USP19: variants seen among roughly 807,000 people sequenced by gnomAD.
USP19 encodes the protein ubiquitin specific peptidase 19.
A neutral mutation model predicts 144.8 loss-of-function variants in USP19; 40 were observed. The ratio of observed to expected loss-of-function variants is 0.28; its 90% CI spans 0.21 to 0.36. The LOEUF is 0.36. Ranked by LOEUF, USP19 falls within the 10% of genes least tolerant of loss-of-function variation. The pLI, the probability that USP19 is intolerant of heterozygous loss-of-function variation, is 1.00. For synonymous variants in USP19, 701 were observed against 709.3 expected, an observed-to-expected ratio of 0.99 and a Z score of 0.19; for missense variants, 1,518 against 1,822.5, an observed-to-expected ratio of 0.83 and a Z score of 3.04.
chr3:49,120,652 G>A (rs1485645957), intron 1 of USP19, 104 bp downstream of exon 1: 1 of 164,318 alleles, frequency 6.1e-6, no homozygotes, highest in Non-Finnish European at 1.3e-5. Context: ...GGGCACTAGG[G>A]GTAGGGACTG....
intron 26 of USP19, among the ~76,000 whole-genome samples, chr3:49,109,502 G>A (rs558592502): frequency 1.3e-5 from 2 of 152,298 alleles, no homozygotes; most frequent in East Asian, 3.9e-4. Context: ...GATTCATAGA[G>A]AACAGGACTG....
At chr3:49,109,190 G>A (rs761183940) in intron 26 of USP19, 48 of 1,468,294 alleles carry the variant, frequency 3.3e-5, no homozygotes, top group Non-Finnish European at 3.9e-5. Flanking sequence ...GGAAGCCTAG[G>A]GTATGTGGAA....
chr3:49,112,482 C>T lies in USP19; in HGVS notation c.2646+7G>A. On this transcript the variant is annotated splice_region_variant and intron_variant, in intron 18 of 26. Coordinates refer to ENST00000417901, the MANE Select transcript of USP19 (RefSeq NM_001199161.2). The surrounding 1 kb of genome is among the most constrained non-coding windows in gnomAD (Gnocchi z 4.9). ...GGCGCTGTGCCATCAGGTTGGCCCCCACTCACCTGTTGCACCTCTAGCACC... is the reference window on the plus strand; with the variant it reads ...GGCGCTGTGCCATCAGGTTGGCCCCTACTCACCTGTTGCACCTCTAGCACC... 1 of 1,613,566 alleles carries T rather than the reference C, an allele frequency of 6.2e-7. No individual in the cohort carries two copies. The highest frequency in any genetic ancestry group is 1.3e-5 in the African/African-American group (1 of 75,016).
At position 49,119,295 on chromosome 3, in the gene USP19, G is replaced by A; in HGVS notation, c.-136-14C>T. On this transcript the variant is annotated splice_polypyrimidine_tract_variant and intron_variant, in intron 1 of 26. Transcript: ENST00000417901. ...GGAACGGACAGCCTAATGGAAAGAA[G>A]CCAGTGATCACTGCCAAGACCCAAC... is the stretch of plus-strand genomic sequence containing the variant. The A allele has an allele frequency of 9.0e-7, 1 of 1,112,700 alleles. No individual in the cohort carries two copies. The highest frequency in any genetic ancestry group is 1.2e-6 in the Non-Finnish European group (1 of 804,142). The allele number at this position is 1,112,700 out of a possible 1,614,324, so 68.9% of individuals were successfully genotyped here.
rs2107332215 is a variant in USP19, at chr3:49,112,421, C to T, written c.2647-19G>A. 6.2e-7 allele frequency: 1 copy of T among 1,613,952 alleles called. No individual in the cohort carries two copies. Among genetic ancestry groups the T allele is most frequent in the Middle Eastern group, 1.6e-4 (1 of 6,062 alleles). ...GGGGGCGCTAGGGTGGGTCGTCTGG[C>T]TCAGCAAGACCAGGAAGAAGTGCCC... On this transcript the variant is annotated intron_variant, in intron 18 of 26. Coordinates refer to ENST00000417901, the MANE Select transcript of USP19 (RefSeq NM_001199161.2). This position sits in a 1 kb window ranked among gnomAD's most constrained non-coding sequence, Gnocchi z 4.9.
chr3:49,110,634 G>A lies in USP19; in HGVS notation c.3699-30C>T, dbSNP rs2043002139. Reference sequence around the variant, plus strand: ...AGGTCAGGTCCAGTCAGGGAGGGGTGAGACAGGCAACAGGCGCTCAGGATG... The same window carrying A: ...AGGTCAGGTCCAGTCAGGGAGGGGTAAGACAGGCAACAGGCGCTCAGGATG... On this transcript the variant is annotated intron_variant, in intron 24 of 26. Transcript: ENST00000417901. This position sits in a 1 kb window ranked among gnomAD's most constrained non-coding sequence, Gnocchi z 6.1. 6.2e-7 allele frequency: 1 copy of A among 1,612,580 alleles called. No individual in the cohort carries two copies.
At position 49,108,898 on chromosome 3, in the gene USP19, G is replaced by A; in HGVS notation, c.4039-370C>T. On this transcript the variant is annotated intron_variant, in intron 26 of 26. Coordinates refer to ENST00000417901, the MANE Select transcript of USP19 (RefSeq NM_001199161.2). This position sits in a 1 kb window ranked among gnomAD's most constrained non-coding sequence, Gnocchi z 4.8. ...GCCCAGAGGTGTTCCCCACAACAAA[G>A]GCAGGCATGGCCTGGGGCAGGCAGG... 6.5e-7 allele frequency: 1 copy of A among 1,542,760 alleles called. No individual in the cohort carries two copies. The highest frequency in any genetic ancestry group is 8.7e-7 in the Non-Finnish European group (1 of 1,144,468).
In USP19 at chr3:49,114,938, C is replaced by T. The variant is rs768682217; in HGVS notation, c.2181+21G>A. ...CTGGGATGCTCATGAGACATGCCCACCCTCTGTCCCTAACCCTGACCTCAT... is the reference window on the plus strand; with the variant it reads ...CTGGGATGCTCATGAGACATGCCCATCCTCTGTCCCTAACCCTGACCTCAT... On this transcript the variant is annotated intron_variant, in intron 14 of 26. Transcript: ENST00000417901. This position sits in a 1 kb window ranked among gnomAD's most constrained non-coding sequence, Gnocchi z 4.5. The T allele has an allele frequency of 3.7e-6, 6 of 1,614,170 alleles. No individual in the cohort carries two copies. Among genetic ancestry groups the T allele is most frequent in the Non-Finnish European group, 8.5e-7 (1 of 1,180,034 alleles).
chr3:49,115,875 C>A lies in USP19; in HGVS notation c.1541G>T (p.Gly514Val). 6 of 1,598,924 alleles carry A rather than the reference C, an allele frequency of 3.8e-6. No individual in the cohort carries two copies. Among genetic ancestry groups the A allele is most frequent in the Non-Finnish European group, 5.1e-6 (6 of 1,173,512 alleles). Residue 514 changes from glycine to valine, a missense_variant, in exon 11 of 27, where the codon GGT (glycine) becomes GTT (valine). Gly to Val is a moderately radical substitution (Grantham distance 109). Coordinates refer to ENST00000417901, the MANE Select transcript of USP19 (RefSeq NM_001199161.2). The surrounding 1 kb of genome is among the most constrained non-coding windows in gnomAD (Gnocchi z 6.6). ...PTPLDSTPPG[G>V]APHPLTGQEE... The stretch of plus-strand genomic sequence containing the variant: ...CTGGCCTGTCAGGGGGTGGGGAGCA[C>A]CTCCTGGTGGGGTTGAATCCAGAGG...
chr3:49,115,789 C>G lies in USP19; in HGVS notation c.1627G>C (p.Asp543His). 1.4e-5 allele frequency: 23 copies of G among 1,614,154 alleles called. No individual in the cohort carries two copies. The highest frequency in any genetic ancestry group is 1.9e-5 in the Non-Finnish European group (22 of 1,179,980). ...SKARSEDTGL[D>H]SVATRTPMEH... ...ATGGGTGTGCGGGTTGCCACACTGT[C>G]TAGCCCTGTGTCCTCAGATCGTGCC... The change falls in exon 11 of 27, where the codon GAC (aspartate) becomes CAC (histidine). Residue 543 changes from aspartate (D) to histidine (H), a missense_variant. By Grantham distance (81) the Asp-to-His change is moderately conservative. Coordinates refer to ENST00000417901, the MANE Select transcript of USP19 (RefSeq NM_001199161.2). This position sits in a 1 kb window ranked among gnomAD's most constrained non-coding sequence, Gnocchi z 6.6.
chr3:49,116,216 T>C lies in USP19; in HGVS notation c.1356-54A>G, dbSNP rs777193761. 21 of 1,613,706 alleles carry C rather than the reference T, an allele frequency of 1.3e-5. No individual in the cohort carries two copies. The highest frequency in any genetic ancestry group is 1.8e-5 in the Non-Finnish European group (21 of 1,179,842). On this transcript the variant is annotated intron_variant, in intron 9 of 26. Transcript: ENST00000417901. This position sits in a 1 kb window ranked among gnomAD's most constrained non-coding sequence, Gnocchi z 5.0. Reference sequence around the variant, plus strand: ...TAGGAGGAATGAGCATCAGGATAGATGAGCCAGGGAGATGGAGCCCACGGG... The same window carrying C: ...TAGGAGGAATGAGCATCAGGATAGACGAGCCAGGGAGATGGAGCCCACGGG...
rs1380980129 is a variant in USP19, at chr3:49,110,257, T to G, written c.3965A>C (p.Glu1322Ala). The change falls in exon 26 of 27, where the codon GAG (glutamate) becomes GCG (alanine). Residue 1322 changes from glutamate (E) to alanine (A), a missense_variant. Coordinates refer to ENST00000417901, the MANE Select transcript of USP19 (RefSeq NM_001199161.2). This position sits in a 1 kb window ranked among gnomAD's most constrained non-coding sequence, Gnocchi z 6.1. ...LFYRRRNSPV[E>A]RPPRAGHSEH... Reference sequence around the variant, plus strand: ...AGAGTGACCTGCCCTGGGGGGCCTCTCCACAGGAGAGTTCCGCCGGCGGTA... The same window carrying G: ...AGAGTGACCTGCCCTGGGGGGCCTCGCCACAGGAGAGTTCCGCCGGCGGTA... 6.2e-7 allele frequency: 1 copy of G among 1,600,250 alleles called. No individual in the cohort carries two copies. The highest frequency in any genetic ancestry group is 2.2e-5 in the East Asian group (1 of 44,616).
At position 49,108,394 on chromosome 3, in the gene USP19, C is replaced by A. The variant is rs999242210; in HGVS notation, c.*18G>T. 6 of 1,121,480 alleles carry A rather than the reference C, an allele frequency of 5.4e-6. No homozygotes were observed. Among genetic ancestry groups the A allele is most frequent in the Admixed American group, 5.9e-5 (2 of 33,618 alleles). The allele number at this position is 1,121,480 out of a possible 1,614,324, so 69.5% of individuals were successfully genotyped here. A position where few individuals can be genotyped will look rare whatever the true frequency, so the allele number is the denominator to read the frequency against. On this transcript the variant is annotated 3_prime_UTR_variant, in exon 27 of 27. Transcript: ENST00000417901. This position sits in a 1 kb window ranked among gnomAD's most constrained non-coding sequence, Gnocchi z 4.8. The stretch of plus-strand genomic sequence containing the variant: ...GTGGGTGTCCCAAACCCAGTCCCCC[C>A]CATCAGCCAGGGACCTGCTAATCCA...
chr3:49,118,227 C>G, intron 2 of USP19, 107 bp from the exon 3 acceptor site: 3 of 560,734 alleles, frequency 5.4e-6, no homozygotes, highest in Non-Finnish European at 6.3e-6. Flanking sequence ...ATCACACCTG[C>G]ACTGCACTCC....
rs1445298146 is a variant in USP19, at chr3:49,116,879, T to C, written c.974A>G (p.Glu325Gly). Residue 325 changes from glutamate (E) to glycine (G), a missense_variant, in exon 7 of 27, where the codon GAG becomes GGG. Physicochemically the swap from Glu to Gly is moderately conservative, Grantham distance 98 (BLOSUM62 -2). Transcript: ENST00000417901. The surrounding 1 kb of genome is among the most constrained non-coding windows in gnomAD (Gnocchi z 5.0). Reference sequence around the variant, plus strand: ...TCCTGCCAAAGGGGCTAAATTCTCCTCTGAGCCCAGGAGGCAGGTTTGGGA... The same window carrying C: ...TCCTGCCAAAGGGGCTAAATTCTCCCCTGAGCCCAGGAGGCAGGTTTGGGA... Reference protein sequence around the residue: ...LNSQTCLLGSEENLAPLAGEK... With the variant: ...LNSQTCLLGSGENLAPLAGEK... The C allele has an allele frequency of 5.0e-6, 8 of 1,614,034 alleles. No homozygotes were observed. Among genetic ancestry groups the C allele is most frequent in the African/African-American group, 1.3e-5 (1 of 74,902 alleles).
rs756705771 is a variant in USP19, at chr3:49,115,287, C to A, written c.1963G>T (p.Val655Leu). Reference sequence around the variant, plus strand: ...CCCTTCCACAGCGCCCGAAGCAGCACGGCAAAGCCAATGGCCAGACGCCCA... The same window carrying A: ...CCCTTCCACAGCGCCCGAAGCAGCAAGGCAAAGCCAATGGCCAGACGCCCA... ...TGGRLAIGFAVLLRALWKGTH... is the reference protein window; with the variant it reads ...TGGRLAIGFALLLRALWKGTH... Residue 655 changes from valine to leucine, a missense_variant, in exon 13 of 27, where the codon GTG (valine) becomes TTG (leucine). By Grantham distance (32) the Val-to-Leu change is conservative. Coordinates refer to ENST00000417901, the MANE Select transcript of USP19 (RefSeq NM_001199161.2). The surrounding 1 kb of genome is among the most constrained non-coding windows in gnomAD (Gnocchi z 6.6). 8.7e-6 allele frequency: 14 copies of A among 1,614,136 alleles called. No homozygotes were observed. Among genetic ancestry groups the A allele is most frequent in the East Asian group, 2.2e-5 (1 of 44,880 alleles).
chr3:49,120,042 C>T (rs545848092), intron 1 of USP19, among the ~76,000 whole-genome samples: 1 of 152,194 alleles, frequency 6.6e-6, no homozygotes, highest in Non-Finnish European at 1.5e-5. Context: ...TGCCTTCACT[C>T]ATGAGCTCTG....
rs745611822 is a variant in USP19 at position 49,117,734 on chromosome 3, C to A, written c.395G>T (p.Arg132Leu). ...QSAEEVIVKL[R>L]VGVGPLQLED... ...CAGCTGCAGGGGACCTACTCCCACACGAAGCTTGACAATCACCTCTTCTGC... is the reference window on the plus strand; with the variant it reads ...CAGCTGCAGGGGACCTACTCCCACAAGAAGCTTGACAATCACCTCTTCTGC... The change falls in exon 4 of 27, where the codon CGT becomes CTT. Residue 132 changes from arginine to leucine, a missense_variant. By Grantham distance (102) the Arg-to-Leu change is moderately radical (BLOSUM62 -2). Transcript: ENST00000417901. This position sits in a 1 kb window ranked among gnomAD's most constrained non-coding sequence, Gnocchi z 4.4. 1 of 1,614,050 alleles carries A rather than the reference C, an allele frequency of 6.2e-7. No individual in the cohort carries two copies. Among genetic ancestry groups the A allele is most frequent in the Non-Finnish European group, 8.5e-7 (1 of 1,180,042 alleles).
chr3:49,112,096 T>G lies in USP19; in HGVS notation c.2766-48A>C. On this transcript the variant is annotated intron_variant, in intron 19 of 26. Coordinates refer to ENST00000417901, the MANE Select transcript of USP19 (RefSeq NM_001199161.2). The surrounding 1 kb of genome is among the most constrained non-coding windows in gnomAD (Gnocchi z 4.9). ...GATAGGCCCTTAGCCCCATCTCCTA[T>G]GACTCCATACTGGGGGCTAGTCATA... is the stretch of plus-strand genomic sequence containing the variant. 1 of 1,604,078 alleles carries G rather than the reference T, an allele frequency of 6.2e-7. No individual in the cohort carries two copies. Among genetic ancestry groups the G allele is most frequent in the Non-Finnish European group, 8.5e-7 (1 of 1,174,242 alleles).
Sources: allele counts gnomAD v4.1 joint callset (sites outside exome capture counted in the v4.1 genomes callset), GRCh38; gene constraint gnomAD v4.1.1; non-coding constraint Gnocchi (gnomAD v3.1); transcripts MANE v1.5; gene names NCBI Gene and HGNC (gene_info 2026-07-23, HGNC 2026-07-21).